Variants in CR1 observed in about 807,000 individuals in gnomAD.
CR1 encodes the protein complement C3b/C4b receptor 1 (Knops blood group).
Under a neutral mutation model 187.3 loss-of-function variants are expected in CR1, and 116 were observed. The observed-to-expected ratio is 0.62, with a 90% CI of 0.53 to 0.72. The LOEUF (loss-of-function observed/expected upper bound fraction) is 0.72, where lower values mean the gene tolerates loss of function less well. Among genes scored for constraint, CR1 ranks in the 30% least tolerant of loss-of-function variants. CR1 has a pLI of 0.00. For synonymous variants in CR1, 576 were observed against 747.1 expected (o/e 0.77, Z 3.73); for missense variants, 1,731 against 2,110.7 (o/e 0.82, Z 3.52).
Position 207,588,776 on chromosome 1 carries a change from T to G in CR1, c.5810+2T>G. 1 of 1,592,504 alleles carries G rather than the reference T, an allele frequency of 6.3e-7. No homozygotes were observed. Among genetic ancestry groups the G allele is most frequent in the Non-Finnish European group, 8.6e-7 (1 of 1,163,794 alleles). ...AGTTAATTATTCTTGTAATGAAGGG[T>G]GAGTTGAGAATACCATCTCTTGAAT... On this transcript the variant is annotated splice_donor_variant, in intron 35 of 46. Transcript: ENST00000367049. LOFTEE classifies it high-confidence loss of function.
chr1:207,621,487 G>A (rs1316662772), intron 43 of CR1, among the ~76,000 whole-genome samples: 2 of 152,034 alleles, frequency 1.3e-5, no homozygotes, highest in African/African-American at 4.8e-5. Flanking sequence ...AGGAAATAAT[G>A]TAAAATATTA....
chr1:207,523,819 C>T lies in CR1; in HGVS notation c.696C>T (p.Cys232=). 2 of 1,611,776 alleles carry T rather than the reference C, an allele frequency of 1.2e-6. No homozygotes were observed. The highest frequency in any genetic ancestry group is 8.5e-7 in the Non-Finnish European group (1 of 1,179,656). The part of the protein sequence containing the change: ...VGIWSGPAPQ[C]IIPNKCTPPN... ...TCTGGAGCGGCCCCGCCCCTCAGTG[C>T]ATTATACCTAACAAATGCACGCCTC... Residue 232 remains cysteine, a synonymous_variant, in exon 5 of 47, where the codon TGC becomes TGT. Transcript: ENST00000367049.
chr1:207,631,763 C>T (rs1231219967), intron 46 of CR1, among the ~76,000 whole-genome samples: 2 of 152,182 alleles, frequency 1.3e-5, no homozygotes, highest in South Asian at 2.1e-4. Flanking sequence ...CCTAAAATGT[C>T]CTACCCATAG....
At chr1:207,589,927 T>A (rs1050547112) in intron 35 of CR1, among the ~76,000 whole-genome samples, 3 of 152,038 alleles carry the variant, frequency 2.0e-5, no homozygotes, top group African/African-American at 2.4e-5. Flanking sequence ...TGAAAAGGAA[T>A]GAACAAAGCC....
At chr1:207,518,747 A>G (rs542191818) in intron 4 of CR1, among the ~76,000 whole-genome samples, 1 of 152,226 alleles carries the variant, frequency 6.6e-6, no homozygotes, top group Non-Finnish European at 1.5e-5. Flanking sequence ...TCTGTCTCCT[A>G]TAAAGACACT....
rs1553284416 is a variant in CR1, at chr1:207,498,887, A to AAAG, written c.121+2501_121+2502insGAA. On this transcript the variant is annotated intron_variant, in intron 1 of 46. Transcript: ENST00000367049. ...AGCGCAACTCCAAATCAAAAAAAAA[A>AAAG]AAAAAAGAAACAAACAAACAAAACA... is the stretch of plus-strand genomic sequence containing the variant. Among the ~76,000 whole-genome samples the AAAG allele has an allele frequency of 7.2e-3, 1,071 of 149,246 alleles. 46 individuals carry two copies. Among genetic ancestry groups the AAAG allele is most frequent in the African/African-American group, 0.025 (1,001 of 40,830 alleles).
chr1:207,583,171 T>C (rs1006959598), intron 32 of CR1, among the ~76,000 whole-genome samples: 4 of 152,164 alleles, frequency 2.6e-5, no homozygotes, highest in Admixed American at 2.6e-4. Context: ...GCCACTGCAG[T>C]AAGAGAAAAC....
chr1:207,635,016 A>C (rs1020125515), intron 46 of CR1, among the ~76,000 whole-genome samples: 1 of 152,204 alleles, frequency 6.6e-6, no homozygotes, highest in Non-Finnish European at 1.5e-5. Flanking sequence ...TTTTCTACTA[A>C]TGTCTCCATT....
chr1:207,588,603 A>C, intron 34 of CR1, 72 bp from the exon 35 acceptor site: 1 of 986,636 alleles, frequency 1.0e-6, no homozygotes, highest in South Asian at 1.4e-5. Context: ...TTAGTATGCC[A>C]CACTCCAGTC....
intron 33 of CR1, 108 bp downstream of exon 33, chr1:207,584,984 A>G (rs979573391): frequency 6.7e-7 from 1 of 1,500,072 alleles, no homozygotes. Context: ...TAACTTTGTC[A>G]TAAGTGTAAA....
chr1:207,566,092 C>G (rs1196140740), intron 24 of CR1, among the ~76,000 whole-genome samples, 169 bp downstream of exon 24: 1 of 150,358 alleles, frequency 6.7e-6, no homozygotes, highest in Non-Finnish European at 1.5e-5. Context: ...CATCACCTGT[C>G]TTTGCAACCA....
At chr1:207,611,581 T>G in intron 37 of CR1, 96 bp from the exon 38 acceptor site, 1 of 1,533,454 alleles carries the variant, frequency 6.5e-7, no homozygotes. Context: ...AGCTGCACTC[T>G]GCAATGACGA....
chr1:207,603,178 G>A (rs572272642), intron 35 of CR1, among the ~76,000 whole-genome samples: 21 of 151,782 alleles, frequency 1.4e-4, no homozygotes, highest in Non-Finnish European at 2.2e-4. Context: ...TAACAAGAAG[G>A]GTGTTTGATA....
chr1:207,502,991 T>C (rs1659319615), intron 1 of CR1, among the ~76,000 whole-genome samples: 1 of 152,182 alleles, frequency 6.6e-6, no homozygotes, highest in Admixed American at 6.5e-5. Flanking sequence ...TCCAAGCTAG[T>C]TCTGCAAAGG....
intron 37 of CR1, 88 bp from the exon 38 acceptor site, chr1:207,611,589 C>G: frequency 6.5e-7 from 1 of 1,545,678 alleles, no homozygotes; most frequent in Non-Finnish European, 8.7e-7. Context: ...TCTGCAATGA[C>G]GATTTTTAAG....
intron 1 of CR1, among the ~76,000 whole-genome samples, chr1:207,501,430 A>G (rs1222118762): frequency 6.6e-6 from 1 of 152,240 alleles, no homozygotes; most frequent in African/African-American, 2.4e-5. Flanking sequence ...AAAAACTTTT[A>G]AAATTATGGT....
At chr1:207,580,644 C>T in intron 31 of CR1, 31 bp downstream of exon 31, 1 of 1,570,594 alleles carries the variant, frequency 6.4e-7, no homozygotes, top group Non-Finnish European at 8.7e-7. Flanking sequence ...AGATCAGGGA[C>T]TCAGCACTGC....
At chr1:207,500,472 T>TC (rs1410686051) in intron 1 of CR1, among the ~76,000 whole-genome samples, 1 of 152,220 alleles carries the variant, frequency 6.6e-6, no homozygotes, top group Non-Finnish European at 1.5e-5. Context: ...GATGTGTTAA[T>TC]TGTGCATATA....
chr1:207,633,488 C>T (rs1056287678), intron 46 of CR1, among the ~76,000 whole-genome samples: 3 of 152,266 alleles, frequency 2.0e-5, no homozygotes, highest in African/African-American at 7.2e-5. Flanking sequence ...TATAACAGTA[C>T]ATAACCTATA....
Sources: allele counts gnomAD v4.1 joint callset (sites outside exome capture counted in the v4.1 genomes callset), GRCh38; gene constraint gnomAD v4.1.1; transcripts MANE v1.5; gene names NCBI Gene and HGNC (gene_info 2026-07-23, HGNC 2026-07-21).